The following ACLY variants were observed in gnomAD, a reference collection of about 807,000 sequenced individuals.
The protein encoded by ACLY is ATP-citrate synthase.
Under a neutral mutation model 133.0 loss-of-function variants are expected in ACLY, and 41 were observed. The observed-to-expected ratio is 0.31, with a 90% CI of 0.24 to 0.40. The LOEUF (loss-of-function observed/expected upper bound fraction) is 0.40. ACLY is among the 10% of genes least tolerant of loss of function. ACLY has a pLI of 1.00. For missense variants in ACLY, 1,046 were observed against 1,453.8 expected (o/e 0.72, Z 4.56); for synonymous variants, 495 against 549.3 (o/e 0.90, Z 1.38).
intron 10 of ACLY, among the ~76,000 whole-genome samples, chr17:41,902,068 C>G (rs992690386): frequency 6.1e-4 from 93 of 152,146 alleles, no homozygotes; most frequent in Admixed American, 2.6e-4. Context: ...CCTTGCTGGT[C>G]TCTCTTTTGT....
chr17:41,878,803 A>C lies in ACLY; in HGVS notation c.2387T>G (p.Ile796Ser), dbSNP rs781923528. Residue 796 changes from isoleucine (I) to serine (S), a missense_variant, in exon 21 of 29, where the codon ATC (isoleucine) becomes AGC (serine). Physicochemically the swap from Ile to Ser is moderately radical, Grantham distance 142. Coordinates refer to ENST00000352035, the MANE Select transcript of ACLY (RefSeq NM_001096.3). ...CTCCCCAAGGTCCACTTACTGGATG[A>C]TCTCTCCAAGCTCATCAAAGCTCCG... is the stretch of plus-strand genomic sequence containing the variant. ...VPRSFDELGE[I>S]IQSVYEDLVA... 6.2e-7 allele frequency: 1 copy of C among 1,613,842 alleles called. No homozygotes were observed. The highest frequency in any genetic ancestry group is 8.5e-7 in the Non-Finnish European group (1 of 1,179,888).
At chr17:41,901,931 G>T in intron 10 of ACLY, 118 bp from the exon 11 acceptor site, 1 of 778,622 alleles carries the variant, frequency 1.3e-6, no homozygotes, top group Non-Finnish European at 2.1e-6. Flanking sequence ...AGGAAGCACA[G>T]GACTACGCAT....
intron 1 of ACLY, among the ~76,000 whole-genome samples, chr17:41,915,978 C>T (rs2050041186): frequency 6.6e-6 from 1 of 152,090 alleles, no homozygotes; most frequent in Non-Finnish European, 1.5e-5. Context: ...TAAAACAGTC[C>T]CCTGAACCTG....
chr17:41,923,378 T>C (rs368579194), upstream of ACLY, among the ~76,000 whole-genome samples: 11 of 152,254 alleles, frequency 7.2e-5, no homozygotes, highest in East Asian at 1.7e-3. Context: ...TTGGACCAAT[T>C]TTAGTTAATA....
At chr17:41,929,464 C>T (rs1404231329) in intron 1 of ACLY, among the ~76,000 whole-genome samples, 2 of 152,166 alleles carry the variant, frequency 1.3e-5, no homozygotes, top group Non-Finnish European at 2.9e-5. Flanking sequence ...CCTCTATGAA[C>T]ATGTCTCTAA....
chr17:41,893,691 T>G (rs1438453422), intron 14 of ACLY, among the ~76,000 whole-genome samples: 1 of 152,282 alleles, frequency 6.6e-6, no homozygotes. Context: ...TCTAGGTCAG[T>G]GTAGGTCCAA....
chr17:41,905,171 G>T (rs907959051), intron 9 of ACLY, among the ~76,000 whole-genome samples: 16 of 152,208 alleles, frequency 1.1e-4, no homozygotes, highest in South Asian at 2.1e-4. Flanking sequence ...CAGAGGCCAG[G>T]TAATATAAGA....
intron 6 of ACLY, among the ~76,000 whole-genome samples, chr17:41,908,526 G>C (rs1369665928): frequency 4.6e-5 from 7 of 152,252 alleles, no homozygotes; most frequent in Admixed American, 4.6e-4. Context: ...CACTTTGAGA[G>C]GCCGAGGTGG....
chr17:41,887,349 GA>G (rs1315979510), intron 17 of ACLY, among the ~76,000 whole-genome samples: 5 of 151,440 alleles, frequency 3.3e-5, no homozygotes, highest in African/African-American at 1.2e-4. Context: ...TGAGACAGGA[GA>G]ATCACTTGAA....
upstream of ACLY, among the ~76,000 whole-genome samples, chr17:41,919,777 C>G (rs1017213906): frequency 1.3e-5 from 2 of 152,246 alleles, no homozygotes; most frequent in Admixed American, 6.5e-5. Context: ...GCTGTCTCCC[C>G]CTTCTCCATT....
intron 11 of ACLY, among the ~76,000 whole-genome samples, chr17:41,900,904 A>G (rs2049519097): frequency 6.6e-6 from 1 of 151,600 alleles, no homozygotes; most frequent in Non-Finnish European, 1.5e-5. Context: ...AAGAGTCACC[A>G]TGGCGCTGCT....
chr17:41,878,035 C>T lies in ACLY; in HGVS notation c.2487+68G>A, dbSNP rs143071331. 3.5e-4 allele frequency: 406 copies of T among 1,174,048 alleles called. 5 individuals carry two copies. In the East Asian group the frequency reaches 8.8e-3, roughly 25 times the overall value. The allele number at this position is 1,174,048 out of a possible 1,614,324, so 72.7% of individuals were successfully genotyped here. A position where few individuals can be genotyped will look rare whatever the true frequency, so the allele number is the denominator to read the frequency against. ...TCCAAGAGTTCAAGGCAAATCAACG[C>T]GAAACCCACCACCATAGACCCACAG... On this transcript the variant is annotated intron_variant, in intron 22 of 28. Transcript: ENST00000352035.
At chr17:41,930,508 C>A in exon 1 of ACLY, 1 of 510,892 alleles carries the variant, frequency 2.0e-6, no homozygotes, top group African/African-American at 1.9e-5. Context: ...CCGTCAGCCA[C>A]GCAATCATCA....
At chr17:41,887,495 C>G (rs2049085598) in intron 17 of ACLY, 104 bp downstream of exon 17, 2 of 923,682 alleles carry the variant, frequency 2.2e-6, no homozygotes, top group Non-Finnish European at 3.5e-6. Context: ...TGAATCTTCT[C>G]AACCTAGGAG....
intron 4 of ACLY, 105 bp from the exon 5 acceptor site, chr17:41,909,805 C>A: frequency 1.0e-6 from 1 of 965,022 alleles, no homozygotes; most frequent in South Asian, 1.7e-5. Context: ...GGAGAGGAAA[C>A]CAATCCCCAC....
rs782621291 is a variant in ACLY, at chr17:41,910,232, G to A, written c.335C>T (p.Pro112Leu). The change falls in exon 4 of 29, where the codon CCC becomes CTC. Residue 112 changes from proline (P) to leucine (L), a missense_variant. Physicochemically the swap from Pro to Leu is moderately conservative, Grantham distance 98 (BLOSUM62 -3). Transcript: ENST00000352035. ...CCGCCTCACACATACCTGACTGTGG[G>A]GGACGAAGGGCTCGATCAGAAAGTT... ...LKNFLIEPFV[P>L]HSQAEEFYVC... The A allele has an allele frequency of 1.2e-6, 2 of 1,613,576 alleles. No individual in the cohort carries two copies. Among genetic ancestry groups the A allele is most frequent in the Non-Finnish European group, 1.7e-6 (2 of 1,179,864 alleles).
chr17:41,899,479 C>G (rs1173276470), intron 11 of ACLY, among the ~76,000 whole-genome samples: 2 of 152,098 alleles, frequency 1.3e-5, no homozygotes, highest in African/African-American at 4.8e-5. Flanking sequence ...CCCTGCTTCT[C>G]CCTCTGCGTG....
chr17:41,903,755 C>CAAA (rs10615655), intron 10 of ACLY, among the ~76,000 whole-genome samples: 1 of 48,692 alleles, frequency 2.1e-5, no homozygotes, highest in African/African-American at 9.4e-5. Context: ...GACTCTGTCT[C>CAAA]AAAAAAAAAA....
intron 1 of ACLY, among the ~76,000 whole-genome samples, chr17:41,927,813 G>A (rs1555636146): frequency 6.7e-6 from 1 of 148,738 alleles, no homozygotes; most frequent in Non-Finnish European, 1.5e-5. Flanking sequence ...GTGACAGAGT[G>A]AGACTCCATC....
Sources: gnomAD v4.1 joint callset for allele counts (sites outside exome capture counted in the v4.1 genomes callset) on GRCh38, gnomAD v4.1.1 for gene constraint, MANE v1.5 for transcripts, NCBI Gene and HGNC (gene_info 2026-07-23, HGNC 2026-07-21) for gene names.